TM4SF20: variants seen among roughly 807,000 people sequenced by gnomAD.
TM4SF20 encodes the protein transmembrane 4 L six family member 20, also known as transmembrane 4 L6 family member 20.
A neutral mutation model predicts 15.1 loss-of-function variants in TM4SF20; 13 were observed. The ratio of observed to expected loss-of-function variants is 0.86; its 90% CI spans 0.56 to 1.36. The LOEUF (loss-of-function observed/expected upper bound fraction) is 1.36. Ranked by LOEUF, TM4SF20 falls within the 40% of genes most tolerant of loss-of-function variation. The pLI is 0.00. For missense variants in TM4SF20, 282 were observed against 268.4 expected, an observed-to-expected ratio of 1.05 and a Z score of -0.35; for synonymous variants, 92 against 96.6, an observed-to-expected ratio of 0.95 and a Z score of 0.28.
At chr2:227,367,667 G>C (rs1418096615) in intron 2 of TM4SF20, among the ~76,000 whole-genome samples, 1 of 152,158 alleles carries the variant, frequency 6.6e-6, no homozygotes. Flanking sequence ...TTGTGTTCTT[G>C]AGACCTGCCT....
intron 1 of TM4SF20, among the ~76,000 whole-genome samples, chr2:227,375,874 AG>A (rs2076448084): frequency 6.6e-6 from 1 of 152,220 alleles, no homozygotes; most frequent in Non-Finnish European, 1.5e-5. Flanking sequence ...TCAATGAATA[AG>A]CATGATTAAG....
chr2:227,373,652 C>T (rs1244730218), intron 1 of TM4SF20, among the ~76,000 whole-genome samples: 2 of 151,950 alleles, frequency 1.3e-5, no homozygotes, highest in Non-Finnish European at 2.9e-5. Flanking sequence ...TGGAAGAGGC[C>T]GGGCGCGGTG....
At chr2:227,370,023 A>C (rs2076412862) in intron 2 of TM4SF20, among the ~76,000 whole-genome samples, 1 of 152,218 alleles carries the variant, frequency 6.6e-6, no homozygotes, top group Non-Finnish European at 1.5e-5. Context: ...GAATTAAATG[A>C]AACAGCATCT....
At position 227,379,242 on chromosome 2, in the gene TM4SF20, G is replaced by A. The variant is rs767196173; in HGVS notation, c.27C>T (p.Ser9=). The change falls in exon 1 of 4, where the codon TCC becomes TCT. Residue 9 remains serine (S), a synonymous_variant. Transcript: ENST00000304568. MTCCEGWT[S]CNGFSLLVLL... is the part of the protein sequence containing the mutation. ...GAACCAGCAGGCTGAATCCATTGCA[G>A]GATGTCCATCCTTCGCAGCAGGTCA... 2 of 1,614,138 alleles carry A rather than the reference G, an allele frequency of 1.2e-6. No individual in the cohort carries two copies.
upstream of TM4SF20, among the ~76,000 whole-genome samples, chr2:227,380,592 G>A (rs2076475185): frequency 6.6e-6 from 1 of 152,174 alleles, no homozygotes; most frequent in Non-Finnish European, 1.5e-5. Context: ...ACTCAGTTAT[G>A]CATGAGTTCA....
At chr2:227,378,062 T>G (rs1575026676) in intron 1 of TM4SF20, among the ~76,000 whole-genome samples, 1 of 145,182 alleles carries the variant, frequency 6.9e-6, no homozygotes, top group Middle Eastern at 3.5e-3. Context: ...TACAGCTTAC[T>G]CTCTCTCTCT....
In TM4SF20 at chr2:227,362,669, TGA is replaced by T. The variant is rs1459529143; in HGVS notation, c.*1053_*1054del. On this transcript the variant is annotated 3_prime_UTR_variant, in exon 4 of 4. Transcript: ENST00000304568. ...TCAGGCCAGGTGTTCAAAGTGTGTA[TGA>T]GACATAAATGAATTTTGTGGTTAGA... is the stretch of plus-strand genomic sequence containing the variant. The T allele has an allele frequency of 6.6e-6, 1 of 152,242 alleles. No individual in the cohort carries two copies. The allele number at this position is 152,242 out of a possible 1,614,324, so 9.4% of individuals were successfully genotyped here.
intron 1 of TM4SF20, among the ~76,000 whole-genome samples, chr2:227,373,431 A>T (rs184136650): frequency 9.8e-4 from 149 of 152,340 alleles, no homozygotes; most frequent in African/African-American, 3.4e-3. Context: ...CCAAATAGGT[A>T]TCAGTATTCG....
chr2:227,373,945 A>AAAAAAAAAAT (rs1184938702), intron 1 of TM4SF20, among the ~76,000 whole-genome samples: 1 of 149,814 alleles, frequency 6.7e-6, no homozygotes, highest in African/African-American at 2.4e-5. Context: ...AAAAAAAAAA[A>AAAAAAAAAAT]ATATGTGGAA....
At chr2:227,373,149 C>G (rs891154319) in intron 1 of TM4SF20, among the ~76,000 whole-genome samples, 8 of 152,224 alleles carry the variant, frequency 5.3e-5, no homozygotes, top group Admixed American at 3.3e-4. Flanking sequence ...TACTCCCACT[C>G]TGATTCATTT....
At chr2:227,378,060 ACTCT>A (rs370675463) in intron 1 of TM4SF20, among the ~76,000 whole-genome samples, 19 of 147,428 alleles carry the variant, frequency 1.3e-4, no homozygotes, top group South Asian at 1.1e-3. Flanking sequence ...CTTACAGCTT[ACTCT>A]CTCTCTCTCT....
chr2:227,368,357 T>TATAAA (rs1349536905), intron 2 of TM4SF20, among the ~76,000 whole-genome samples: 1 of 79,590 alleles, frequency 1.3e-5, no homozygotes, highest in African/African-American at 4.9e-5. Context: ...ATATATATAA[T>TATAAA]TTTTTGTTTT....
intron 2 of TM4SF20, among the ~76,000 whole-genome samples, chr2:227,369,245 A>T (rs2076408538): frequency 6.6e-6 from 1 of 152,218 alleles, no homozygotes; most frequent in South Asian, 2.1e-4. Context: ...GGTAATTTTT[A>T]AAAATATGAA....
intron 3 of TM4SF20, among the ~76,000 whole-genome samples, 177 bp from the exon 4 acceptor site, chr2:227,364,189 T>G (rs544571647): frequency 6.6e-6 from 1 of 152,206 alleles, no homozygotes; most frequent in Non-Finnish European, 1.5e-5. Flanking sequence ...TACAAAACTT[T>G]TATTACTTAT....
chr2:227,368,331 T>TTTTATATATATATATA (rs1553786646), intron 2 of TM4SF20, among the ~76,000 whole-genome samples: 3 of 67,332 alleles, frequency 4.5e-5, no homozygotes, highest in African/African-American at 6.8e-5. Context: ...CCGCCATCTA[T>TTTTATATATATATATA]TATTTATATA....
chr2:227,366,644 G>A (rs1420817330), intron 2 of TM4SF20, among the ~76,000 whole-genome samples: 1 of 136,654 alleles, frequency 7.3e-6, no homozygotes, highest in Non-Finnish European at 1.5e-5. Flanking sequence ...CAGGAGAATC[G>A]CTTGAACCCG....
At chr2:227,364,513 C>T (rs781780790) in intron 3 of TM4SF20, among the ~76,000 whole-genome samples, 3 of 151,932 alleles carry the variant, frequency 2.0e-5, no homozygotes, top group South Asian at 2.1e-4. Context: ...CTGTTCTTAA[C>T]GGGGCTGTGG....
chr2:227,373,083 T>C (rs1017702516), intron 1 of TM4SF20, among the ~76,000 whole-genome samples: 5 of 152,168 alleles, frequency 3.3e-5, no homozygotes, highest in Admixed American at 6.5e-5. Context: ...CTAGAGTTTG[T>C]TCATTCTCAT....
chr2:227,368,355 A>AT (rs397988096), intron 2 of TM4SF20, among the ~76,000 whole-genome samples: 8 of 132,060 alleles, frequency 6.1e-5, no homozygotes, highest in East Asian at 2.2e-4. Flanking sequence ...ATATATATAT[A>AT]ATTTTTTGTT....
Sources: allele counts gnomAD v4.1 joint callset (sites outside exome capture counted in the v4.1 genomes callset), GRCh38; gene constraint gnomAD v4.1.1; transcripts MANE v1.5; gene names NCBI Gene and HGNC (gene_info 2026-07-23, HGNC 2026-07-21).